The following CYFIP2 variants were observed in gnomAD, a reference collection of about 807,000 sequenced individuals.
CYFIP2 encodes cytoplasmic FMR1 interacting protein 2.
CYFIP2 carries 29 observed loss-of-function variants against 158.7 expected under a neutral mutation model. The observed-to-expected ratio is 0.18, with a 90% CI of 0.14 to 0.25. CYFIP2 has a LOEUF of 0.25. Ranked by LOEUF, CYFIP2 falls within the 10% of genes least tolerant of loss-of-function variation. CYFIP2 has a pLI of 1.00. For missense variants in CYFIP2, 852 were observed against 1,639.5 expected (o/e 0.52, Z 8.29); for synonymous variants, 585 against 617.6 (o/e 0.95, Z 0.78).
intron 5 of CYFIP2, among the ~76,000 whole-genome samples, chr5:157,299,566 T>G (rs116068047): frequency 0.014 from 2,122 of 152,310 alleles, 58 homozygotes; most frequent in African/African-American, 0.049. Flanking sequence ...TACCACATTC[T>G]AATAGATCTA....
At position 157,294,774 on chromosome 5, in the gene CYFIP2, C is replaced by T; in HGVS notation, c.208-9C>T. 4 of 1,613,122 alleles carry T rather than the reference C, an allele frequency of 2.5e-6. No homozygotes were observed. The highest frequency in any genetic ancestry group is 3.4e-6 in the Non-Finnish European group (4 of 1,179,302). On this transcript the variant is annotated splice_polypyrimidine_tract_variant and intron_variant, in intron 3 of 30. Transcript: ENST00000620254. ...GTTCCTCCCTGCTGAGGCTGTTTTA[C>T]CATTTCAGAATGAGATGCTGGAGGA...
intron 26 of CYFIP2, among the ~76,000 whole-genome samples, chr5:157,373,370 C>T (rs1163801328): frequency 2.0e-5 from 3 of 152,156 alleles, no homozygotes; most frequent in Non-Finnish European, 4.4e-5. Context: ...TCAAGGGCAC[C>T]AAGAACACCC....
chr5:157,381,879 C>T (rs992372465), intron 26 of CYFIP2, among the ~76,000 whole-genome samples: 14 of 152,306 alleles, frequency 9.2e-5, no homozygotes, highest in Admixed American at 3.3e-4. Flanking sequence ...AAGCAAACCC[C>T]GGCAGAGGAT....
chr5:157,289,119 C>A (rs957641558), intron 3 of CYFIP2, among the ~76,000 whole-genome samples: 1 of 152,070 alleles, frequency 6.6e-6, no homozygotes, highest in African/African-American at 2.4e-5. Context: ...GCTCATGATC[C>A]CACAACCAGT....
intron 23 of CYFIP2, among the ~76,000 whole-genome samples, chr5:157,357,640 C>T (rs1484453380): frequency 2.0e-5 from 3 of 151,998 alleles, no homozygotes; most frequent in Non-Finnish European, 4.4e-5. Context: ...ACCAGCCTGG[C>T]CAACATGGTG....
intron 26 of CYFIP2, chr5:157,363,283 CTT>C (rs1244238398): frequency 6.6e-6 from 1 of 152,290 alleles, no homozygotes; most frequent in Non-Finnish European, 1.5e-5. Flanking sequence ...GTGGGAATCT[CTT>C]TTAGCATCCA....
At chr5:157,366,582 G>T (rs1325280148) in intron 26 of CYFIP2, among the ~76,000 whole-genome samples, 2 of 152,136 alleles carry the variant, frequency 1.3e-5, no homozygotes, top group African/African-American at 4.8e-5. Flanking sequence ...GATTGTTCTG[G>T]CACCACTTCT....
intron 2 of CYFIP2, 106 bp downstream of exon 2, chr5:157,285,584 A>C: frequency 1.0e-6 from 1 of 998,140 alleles, no homozygotes; most frequent in Non-Finnish European, 1.5e-6. Context: ...CTAGAAGGTG[A>C]AAGGTTGTGA....
chr5:157,303,874 G>A (rs1758992858), intron 7 of CYFIP2, among the ~76,000 whole-genome samples: 1 of 151,674 alleles, frequency 6.6e-6, no homozygotes, highest in Non-Finnish European at 1.5e-5. Context: ...GCCGTTGTCT[G>A]AGAAGACATC....
intron 9 of CYFIP2, among the ~76,000 whole-genome samples, chr5:157,308,456 G>A (rs901474774): frequency 1.3e-5 from 2 of 152,136 alleles, no homozygotes; most frequent in African/African-American, 4.8e-5. Context: ...AAAATTTGCA[G>A]TTAAACTAAG....
At chr5:157,279,432 G>A (rs1282136187) in intron 1 of CYFIP2, among the ~76,000 whole-genome samples, 1 of 152,226 alleles carries the variant, frequency 6.6e-6, no homozygotes, top group Non-Finnish European at 1.5e-5. Flanking sequence ...CAGAGAAACA[G>A]GGTTTAAGCT....
intron 11 of CYFIP2, among the ~76,000 whole-genome samples, chr5:157,312,182 C>T (rs368635499): frequency 5.3e-5 from 8 of 151,854 alleles, no homozygotes; most frequent in Non-Finnish European, 8.8e-5. Flanking sequence ...GTACTCATAA[C>T]GCTACCTAAA....
chr5:157,325,441 G>C (rs541567325), intron 16 of CYFIP2, 41 bp from the exon 17 acceptor site: 2 of 1,562,048 alleles, frequency 1.3e-6, no homozygotes, highest in East Asian at 4.5e-5. Context: ...AGGTCTTTTA[G>C]TTCTAAAAGT....
At chr5:157,392,319 A>AT (rs1389944027) in intron 30 of CYFIP2, among the ~76,000 whole-genome samples, 1 of 151,968 alleles carries the variant, frequency 6.6e-6, no homozygotes, top group Non-Finnish European at 1.5e-5. Flanking sequence ...CATCATGAAA[A>AT]TTTTTCCCCT....
intron 26 of CYFIP2, among the ~76,000 whole-genome samples, chr5:157,370,129 TCAGCCTCC>T (rs1764857872): frequency 6.6e-6 from 1 of 152,174 alleles, no homozygotes; most frequent in Non-Finnish European, 1.5e-5. Context: ...TCCATGCGCC[TCAGCCTCC>T]CAAAGTGCTG....
chr5:157,282,975 A>G (rs1394165226), intron 1 of CYFIP2, among the ~76,000 whole-genome samples: 2 of 152,248 alleles, frequency 1.3e-5, no homozygotes, highest in Non-Finnish European at 2.9e-5. Context: ...AACCATTAAC[A>G]CAGAGTGTTT....
intron 7 of CYFIP2, 134 bp from the exon 8 acceptor site, chr5:157,304,104 C>A: frequency 1.7e-6 from 2 of 1,153,626 alleles, no homozygotes; most frequent in Non-Finnish European, 2.4e-6. Flanking sequence ...TGGCATGCAG[C>A]CTCGCCTCCC....
Position 157,361,636 on chromosome 5 carries a change from GT to G in CYFIP2, c.3039+40del. The G allele has an allele frequency of 1.2e-6, 2 of 1,612,616 alleles. No individual in the cohort carries two copies. Among genetic ancestry groups the G allele is most frequent in the Non-Finnish European group, 1.7e-6 (2 of 1,179,162 alleles). ...CCCAAAGGAAGTGGGGTGTCTCCAG[GT>G]TGGAGGGGATGCCAACCCCAAGCAG... On this transcript the variant is annotated intron_variant, in intron 26 of 30. Coordinates refer to ENST00000620254, the MANE Select transcript of CYFIP2 (RefSeq NM_001037333.3). This position sits in a 1 kb window ranked among gnomAD's most constrained non-coding sequence, Gnocchi z 4.4.
intron 23 of CYFIP2, among the ~76,000 whole-genome samples, chr5:157,357,862 A>G (rs911222678): frequency 6.6e-6 from 1 of 152,134 alleles, no homozygotes; most frequent in African/African-American, 2.4e-5. Context: ...CTAAGTTTTG[A>G]ACTGAAACCT....
Sources: allele counts gnomAD v4.1 joint callset (sites outside exome capture counted in the v4.1 genomes callset), GRCh38; gene constraint gnomAD v4.1.1; non-coding constraint Gnocchi (gnomAD v3.1); transcripts MANE v1.5; gene names NCBI Gene and HGNC (gene_info 2026-07-23, HGNC 2026-07-21).